The following CSMD1 variants were observed in gnomAD, a reference collection of about 807,000 sequenced individuals.
CSMD1 encodes the protein CUB and Sushi multiple domains 1.
CSMD1 carries 213 observed loss-of-function variants against 417.5 expected under a neutral mutation model. The observed-to-expected ratio is 0.51, with a 90% CI of 0.46 to 0.57. The LOEUF is 0.57. Ranked by LOEUF, CSMD1 falls within the 20% of genes least tolerant of loss-of-function variation. The probability of loss-of-function intolerance (pLI) is 0.00; values close to 1 mark genes in which losing one functional copy is unlikely to be tolerated. For synonymous variants in CSMD1, 2,862 were observed against 1,736.8 expected (o/e 1.65, Z -16.11); for missense variants, 6,923 against 4,529.7 (o/e 1.53, Z -15.17).
At chr8:4,298,123 T>G (rs769028795) in intron 3 of CSMD1, among the ~76,000 whole-genome samples, 5 of 152,112 alleles carry the variant, frequency 3.3e-5, no homozygotes, top group South Asian at 2.1e-4. Flanking sequence ...CCCAGGGCAC[T>G]GGGGACATAT....
chr8:4,806,214 G>A (rs1264593506), intron 1 of CSMD1, among the ~76,000 whole-genome samples: 1 of 152,144 alleles, frequency 6.6e-6, no homozygotes, highest in Non-Finnish European at 1.5e-5. Flanking sequence ...CAGCTCTCTA[G>A]GTGCAATTTC....
In CSMD1 at chr8:4,379,373, T is replaced by G. The variant is rs115245116; in HGVS notation, c.415+40580A>C. The stretch of plus-strand genomic sequence containing the variant: ...CAGGAGACAGGAGGAATAAATAGAA[T>G]GTAGAATTTTGGAACAGAAAAGTGA... On this transcript the variant is annotated intron_variant, in intron 3 of 69. Transcript: ENST00000635120. 4.3e-3 allele frequency among the ~76,000 whole-genome samples: 648 copies of G among 152,238 alleles called. 5 individuals are homozygous for G. The highest frequency in any genetic ancestry group is 5.1e-3 in the Non-Finnish European group (346 of 68,024).
intron 68 of CSMD1, among the ~76,000 whole-genome samples, chr8:2,944,117 T>C (rs554107413): frequency 7.0e-4 from 106 of 152,296 alleles, no homozygotes; most frequent in African/African-American, 2.4e-3. Context: ...CTACTTATCT[T>C]TTTGAGATCT....
chr8:4,923,223 G>C (rs985274551), intron 1 of CSMD1, among the ~76,000 whole-genome samples: 22 of 152,156 alleles, frequency 1.4e-4, no homozygotes, highest in African/African-American at 4.1e-4. Flanking sequence ...GTAGACACAA[G>C]TGTCCATTCA....
At chr8:4,523,407 A>G (rs1330039873) in intron 2 of CSMD1, among the ~76,000 whole-genome samples, 1 of 152,060 alleles carries the variant, frequency 6.6e-6, no homozygotes, top group Non-Finnish European at 1.5e-5. Flanking sequence ...GAATTTTCCT[A>G]CTTTTGTATT....
intron 3 of CSMD1, among the ~76,000 whole-genome samples, chr8:4,138,949 A>G (rs975253226): frequency 7.9e-5 from 12 of 152,170 alleles, no homozygotes; most frequent in Admixed American, 4.6e-4. Flanking sequence ...ATTAACAAAC[A>G]TTGTCGAACA....
intron 2 of CSMD1, among the ~76,000 whole-genome samples, chr8:4,579,506 G>A (rs1483705556): frequency 6.6e-6 from 1 of 151,718 alleles, no homozygotes; most frequent in Non-Finnish European, 1.5e-5. Flanking sequence ...GGGATTACAG[G>A]CACCCGCCAC....
At chr8:4,127,232 T>A (rs1802817152) in intron 3 of CSMD1, among the ~76,000 whole-genome samples, 1 of 152,022 alleles carries the variant, frequency 6.6e-6, no homozygotes, top group South Asian at 2.1e-4. Flanking sequence ...ACCCATGGCC[T>A]TACGGAAAGC....
chr8:4,059,264 A>G (rs189738740), intron 3 of CSMD1, among the ~76,000 whole-genome samples: 1,744 of 152,298 alleles, frequency 0.011, 19 homozygotes, highest in Middle Eastern at 0.02. Context: ...GACACAACAT[A>G]CCAGAATCTC....
intron 30 of CSMD1, among the ~76,000 whole-genome samples, chr8:3,209,313 TTATTTATA>T (rs1440503483): frequency 6.9e-6 from 1 of 145,958 alleles, no homozygotes; most frequent in Non-Finnish European, 1.6e-5. Flanking sequence ...ATTTATTTAT[TTATTTATA>T]TTTATTTATT....
At chr8:3,767,966 G>C (rs1483150793) in intron 5 of CSMD1, among the ~76,000 whole-genome samples, 1 of 152,160 alleles carries the variant, frequency 6.6e-6, no homozygotes, top group Non-Finnish European at 1.5e-5. Context: ...GTCATGGGAT[G>C]CTGAACTTTT....
At chr8:3,266,937 C>A (rs887961367) in intron 26 of CSMD1, among the ~76,000 whole-genome samples, 1 of 152,026 alleles carries the variant, frequency 6.6e-6, no homozygotes, top group East Asian at 1.9e-4. Context: ...ATGCAGACAG[C>A]CAACATAGAC....
intron 3 of CSMD1, among the ~76,000 whole-genome samples, chr8:4,320,840 A>C (rs946056122): frequency 6.6e-6 from 1 of 152,146 alleles, no homozygotes; most frequent in African/African-American, 2.4e-5. Context: ...ACTATAACCC[A>C]AAGGATTATA....
chr8:3,570,885 C>G (rs963833700), intron 10 of CSMD1, among the ~76,000 whole-genome samples: 2 of 152,274 alleles, frequency 1.3e-5, no homozygotes, highest in South Asian at 4.1e-4. Context: ...ACAATAGGAA[C>G]TCTAAGCTTC....
At chr8:4,323,729 A>T (rs1472650358) in intron 3 of CSMD1, among the ~76,000 whole-genome samples, 1 of 148,690 alleles carries the variant, frequency 6.7e-6, no homozygotes, top group Non-Finnish European at 1.5e-5. Context: ...TGATTTGGGT[A>T]TTTCACATCC....
At chr8:4,486,341 G>A (rs908546469) in intron 2 of CSMD1, among the ~76,000 whole-genome samples, 4 of 149,088 alleles carry the variant, frequency 2.7e-5, no homozygotes, top group Non-Finnish European at 4.4e-5. Context: ...AGTAATTTGC[G>A]ACGATTCTAC....
intron 35 of CSMD1, among the ~76,000 whole-genome samples, chr8:3,188,235 C>G (rs1297569726): frequency 2.3e-5 from 1 of 42,688 alleles, no homozygotes; most frequent in East Asian, 5.5e-4. Flanking sequence ...TCTATATATA[C>G]ATGGCAAAAT....
chr8:3,314,478 T>C (rs548052348), intron 23 of CSMD1, among the ~76,000 whole-genome samples: 14 of 152,312 alleles, frequency 9.2e-5, no homozygotes, highest in African/African-American at 3.4e-4. Flanking sequence ...GTTCTGTATT[T>C]GCTTTATGCT....
intron 37 of CSMD1, among the ~76,000 whole-genome samples, chr8:3,173,637 A>T (rs1050539230): frequency 6.6e-6 from 1 of 152,192 alleles, no homozygotes; most frequent in East Asian, 1.9e-4. Context: ...GCTGGTTTAT[A>T]TGGTCCTTCC....
Sources: allele counts gnomAD v4.1 joint callset (sites outside exome capture counted in the v4.1 genomes callset), GRCh38; gene constraint gnomAD v4.1.1; transcripts MANE v1.5; gene names NCBI Gene and HGNC (gene_info 2026-07-23, HGNC 2026-07-21).